ZNF569: variants seen among roughly 807,000 people sequenced by gnomAD.
The protein encoded by ZNF569 is DNA-binding protein.
Under a neutral mutation model 56.3 loss-of-function variants are expected in ZNF569, and 38 were observed. That is an observed-to-expected ratio of 0.68 (90% CI 0.52 to 0.88). The LOEUF is 0.88. ZNF569 is among the 40% of genes least tolerant of loss of function. The pLI is 0.00. For missense variants in ZNF569, 666 were observed against 809.2 expected, an observed-to-expected ratio of 0.82 and a Z score of 2.15; for synonymous variants, 241 against 262.9, an observed-to-expected ratio of 0.92 and a Z score of 0.81.
intron 2 of ZNF569, 48 bp downstream of exon 2, chr19:37,465,265 T>C (rs1282702764): frequency 6.6e-6 from 1 of 152,260 alleles, no homozygotes; most frequent in African/African-American, 2.4e-5. Context: ...TCACATTTTT[T>C]CTTAGTATTC....
At chr19:37,425,116 CACAT>C (rs1267756412) in intron 5 of ZNF569, among the ~76,000 whole-genome samples, 2 of 151,498 alleles carry the variant, frequency 1.3e-5, no homozygotes, top group African/African-American at 4.8e-5. Flanking sequence ...CTCTGTCACA[CACAT>C]ACACACACAA....
intron 4 of ZNF569, 143 bp from the exon 5 acceptor site, chr19:37,426,106 T>C (rs1245843023): frequency 2.3e-6 from 3 of 1,283,194 alleles, no homozygotes; most frequent in Non-Finnish European, 2.2e-6. Flanking sequence ...CTCTGAAAAC[T>C]GCAGCATGGA....
upstream of ZNF569, chr19:37,467,680 G>A: frequency 1.6e-6 from 1 of 615,936 alleles, no homozygotes; most frequent in Non-Finnish European, 2.9e-6. Context: ...GAGCCTTAAG[G>A]TCCTGACAGC....
Position 37,414,166 on chromosome 19 carries a change from A to C in ZNF569, c.492T>G (p.His164Gln), listed in dbSNP as rs140277147. Residue 164 changes from histidine to glutamine, a missense_variant, in exon 6 of 6, where the codon CAT becomes CAG. Transcript: ENST00000316950. ...ATTTCACAGGTTCATTATATTCACA[A>C]TGCTCCTTTCTCATAAGGCATTTCA... ...NNVKCLMRKEHCEYNEPVKSY... is the reference protein window; with the variant it reads ...NNVKCLMRKEQCEYNEPVKSY... 596 of 1,613,404 alleles carry C rather than the reference A, an allele frequency of 3.7e-4. 5 individuals carry two copies. Among genetic ancestry groups the C allele is most frequent in the Middle Eastern group, 9.9e-4 (6 of 6,080 alleles).
chr19:37,429,037 T>TA (rs1382180138), intron 3 of ZNF569, among the ~76,000 whole-genome samples: 6 of 151,936 alleles, frequency 3.9e-5, no homozygotes, highest in Non-Finnish European at 8.8e-5. Context: ...AGACTGATCT[T>TA]AAAAAAAAGA....
chr19:37,463,712 A>T (rs2041789312), intron 2 of ZNF569, among the ~76,000 whole-genome samples: 1 of 126,450 alleles, frequency 7.9e-6, no homozygotes, highest in Admixed American at 7.9e-5. Context: ...ATAACCATGC[A>T]TGTTTATTGT....
Position 37,414,048 on chromosome 19 carries a change from G to A in ZNF569, c.610C>T (p.His204Tyr), listed in dbSNP as rs1348092083. The A allele has an allele frequency of 6.2e-7, 1 of 1,613,516 alleles. No homozygotes were observed. The highest frequency in any genetic ancestry group is 1.1e-5 in the South Asian group (1 of 91,040). ...TTCTCTCCAGTATGAATTCTCAGAT[G>A]TCTGATGAGGTCCAAAGTCTGATTG... The part of the protein sequence containing the change: ...GFNQTLDLIR[H>Y]LRIHTGEKPY... Residue 204 changes from histidine to tyrosine, a missense_variant, in exon 6 of 6, where the codon CAT (histidine) becomes TAT (tyrosine). Coordinates refer to ENST00000316950, the MANE Select transcript of ZNF569 (RefSeq NM_152484.3).
intron 2 of ZNF569, among the ~76,000 whole-genome samples, chr19:37,457,064 T>C (rs1412935417): frequency 0.02 from 1 of 50 alleles, no homozygotes; most frequent in East Asian, 0.5. Flanking sequence ...TTAATCTATA[T>C]TCAGCATTGC....
intron 5 of ZNF569, among the ~76,000 whole-genome samples, chr19:37,415,693 A>G (rs371611252): frequency 1.0e-3 from 149 of 148,770 alleles, no homozygotes; most frequent in African/African-American, 3.4e-3. Flanking sequence ...ACACAGTGAA[A>G]CCCCATCTCT....
intron 3 of ZNF569, among the ~76,000 whole-genome samples, chr19:37,436,134 TA>T (rs1285647167): frequency 6.6e-6 from 1 of 152,104 alleles, no homozygotes; most frequent in Non-Finnish European, 1.5e-5. Flanking sequence ...TAAAATTATA[TA>T]AGATATCTTC....
intron 3 of ZNF569, among the ~76,000 whole-genome samples, chr19:37,435,998 T>G (rs2041303022): frequency 6.6e-6 from 1 of 152,164 alleles, no homozygotes; most frequent in Admixed American, 6.5e-5. Context: ...CAAATGGACA[T>G]AATAGATATA....
intron 5 of ZNF569, among the ~76,000 whole-genome samples, chr19:37,423,197 C>T (rs1447728683): frequency 6.6e-6 from 1 of 151,860 alleles, no homozygotes; most frequent in Non-Finnish European, 1.5e-5. Flanking sequence ...AAACTAATGC[C>T]AAAAGACAAA....
At position 37,414,044 on chromosome 19, in the gene ZNF569, A is replaced by G. The variant is rs1444210619; in HGVS notation, c.614T>C (p.Leu205Pro). ...FNQTLDLIRH[L>P]RIHTGEKPYE... ...GGGCTTCTCTCCAGTATGAATTCTC[A>G]GATGTCTGATGAGGTCCAAAGTCTG... The change falls in exon 6 of 6, where the codon CTG becomes CCG. Residue 205 changes from leucine to proline, a missense_variant. Coordinates refer to ENST00000316950, the MANE Select transcript of ZNF569 (RefSeq NM_152484.3). The G allele has an allele frequency of 6.2e-7, 1 of 1,613,416 alleles. No individual in the cohort carries two copies.
intron 2 of ZNF569, among the ~76,000 whole-genome samples, chr19:37,449,910 G>A (rs2041564736): frequency 6.6e-6 from 1 of 152,036 alleles, no homozygotes; most frequent in South Asian, 2.1e-4. Context: ...CATCTTCTTA[G>A]CTGTTTTCTA....
At chr19:37,420,507 G>A (rs544250097) in intron 5 of ZNF569, among the ~76,000 whole-genome samples, 2 of 152,168 alleles carry the variant, frequency 1.3e-5, no homozygotes, top group East Asian at 3.9e-4. Flanking sequence ...TCTTCACCAG[G>A]AGTAGATCCT....
At position 37,411,579 on chromosome 19, in the gene ZNF569, T is replaced by TA. The variant is rs1600281701; in HGVS notation, c.*1017dup. On this transcript the variant is annotated 3_prime_UTR_variant, in exon 6 of 6. Coordinates refer to ENST00000316950, the MANE Select transcript of ZNF569 (RefSeq NM_152484.3). ...GCCAATACACCAAAATTCAACAGAC[T>TA]ATTCCATGTTTACATGTTTTTTAAA... is the stretch of plus-strand genomic sequence containing the variant. The TA allele has an allele frequency of 3.3e-5, 5 of 152,296 alleles. No individual in the cohort carries two copies. The East Asian group carries it at 9.6e-4, about 29-fold the overall frequency. 9.4% of individuals were successfully genotyped at this position (152,296 alleles called of 1,614,324 possible). A position where few individuals can be genotyped will look rare whatever the true frequency, so the allele number is the denominator to read the frequency against.
chr19:37,414,012 A>T lies in ZNF569; in HGVS notation c.646T>A (p.Cys216Ser). 1 of 1,613,576 alleles carries T rather than the reference A, an allele frequency of 6.2e-7. No individual in the cohort carries two copies. Among genetic ancestry groups the T allele is most frequent in the Non-Finnish European group, 8.5e-7 (1 of 1,179,860 alleles). ...RIHTGEKPYE[C>S]SNCRKAFSHK... ...CTGAAGGCTTTTCTACAGTTACTAC[A>T]TTCATAGGGCTTCTCTCCAGTATGA... is the stretch of plus-strand genomic sequence containing the variant. The change falls in exon 6 of 6, where the codon TGT becomes AGT. Residue 216 changes from cysteine (C) to serine (S), a missense_variant. Transcript: ENST00000316950.
At chr19:37,416,087 G>C (rs1005608609) in intron 5 of ZNF569, among the ~76,000 whole-genome samples, 1 of 151,490 alleles carries the variant, frequency 6.6e-6, no homozygotes, top group Non-Finnish European at 1.5e-5. Flanking sequence ...ACAAAAATTA[G>C]CTGGGTGTAG....
At chr19:37,447,237 C>A (rs2041512581) in intron 2 of ZNF569, among the ~76,000 whole-genome samples, 1 of 152,154 alleles carries the variant, frequency 6.6e-6, no homozygotes, top group Admixed American at 6.5e-5. Flanking sequence ...CAATCCCACT[C>A]CTGGGTATTT....
Sources: allele counts gnomAD v4.1 joint callset (sites outside exome capture counted in the v4.1 genomes callset), GRCh38; gene constraint gnomAD v4.1.1; transcripts MANE v1.5; gene names NCBI Gene and HGNC (gene_info 2026-07-23, HGNC 2026-07-21).